Variants in KY observed in about 807,000 individuals in gnomAD.
KY encodes kyphoscoliosis peptidase.
In KY, 43 loss-of-function variants were observed where a neutral mutation model predicts 76.1. That is an observed-to-expected ratio of 0.57 (90% confidence interval 0.44 to 0.73). The LOEUF (loss-of-function observed/expected upper bound fraction) is 0.73. Ranked by LOEUF, KY falls within the 30% of genes least tolerant of loss-of-function variation. KY has a pLI of 0.00. For missense variants in KY, 722 were observed against 828.9 expected, an observed-to-expected ratio of 0.87 and a Z score of 1.58; for synonymous variants, 277 against 326.2, an observed-to-expected ratio of 0.85 and a Z score of 1.63.
chr3:134,645,847 G>A (rs1234771039), intron 2 of KY, among the ~76,000 whole-genome samples: 1 of 152,206 alleles, frequency 6.6e-6, no homozygotes, highest in African/African-American at 2.4e-5. Flanking sequence ...AATAGTCAAT[G>A]TGTCACTTTG....
chr3:134,607,697 C>T (rs1959458699), intron 10 of KY: 1 of 985,712 alleles, frequency 1.0e-6, no homozygotes, highest in African/African-American at 1.7e-5. Context: ...CCCCGTATGC[C>T]TCAGAGTGTG....
chr3:134,627,619 C>T (rs777442715), intron 5 of KY, 137 bp downstream of exon 5: 31 of 708,608 alleles, frequency 4.4e-5, no homozygotes, highest in African/African-American at 7.1e-5. Flanking sequence ...TCATGACACT[C>T]TTCCCCTCCT....
intron 10 of KY, among the ~76,000 whole-genome samples, chr3:134,606,465 G>T (rs770693703): frequency 3.9e-5 from 6 of 152,050 alleles, no homozygotes; most frequent in Non-Finnish European, 8.8e-5. Context: ...CCTGGATAAG[G>T]CTTCATGGTA....
chr3:134,650,815 C>G lies in KY; in HGVS notation c.136+10G>C, dbSNP rs368269760. 1 of 1,567,610 alleles carries G rather than the reference C, an allele frequency of 6.4e-7. No individual in the cohort carries two copies. The highest frequency in any genetic ancestry group is 1.4e-5 in the African/African-American group (1 of 72,572). On this transcript the variant is annotated intron_variant, in intron 1 of 10. Coordinates refer to ENST00000423778, the MANE Select transcript of KY (RefSeq NM_178554.6). ...GGGGGACCCGGGGACCCGGGTCGGG[C>G]GCGCGTTACCTCCTCCGCGCTGCAG...
intron 3 of KY, among the ~76,000 whole-genome samples, chr3:134,641,434 A>C (rs1965747859): frequency 6.6e-6 from 1 of 152,182 alleles, no homozygotes; most frequent in Non-Finnish European, 1.5e-5. Flanking sequence ...GCTATTTATA[A>C]GCAGAGAAGG....
At chr3:134,606,168 C>G (rs1039479768) in intron 10 of KY, among the ~76,000 whole-genome samples, 3 of 152,172 alleles carry the variant, frequency 2.0e-5, no homozygotes, top group Non-Finnish European at 4.4e-5. Flanking sequence ...CATCTCACAA[C>G]TGGCTGTGAG....
At chr3:134,627,302 TACTGAGGGGGAA>T (rs1219022159) in intron 5 of KY, among the ~76,000 whole-genome samples, 1 of 152,172 alleles carries the variant, frequency 6.6e-6, no homozygotes, top group Non-Finnish European at 1.5e-5. Flanking sequence ...ACATCTGGTC[TACTGAGGGGGAA>T]ACTGAGGCAC....
At chr3:134,611,329 C>T (rs1401067531) in intron 8 of KY, among the ~76,000 whole-genome samples, 1 of 152,186 alleles carries the variant, frequency 6.6e-6, no homozygotes, top group East Asian at 1.9e-4. Flanking sequence ...CCCTGAGGCC[C>T]AGGCCTGGGC....
chr3:134,609,579 G>T (rs1406362696), intron 9 of KY, among the ~76,000 whole-genome samples: 2 of 152,130 alleles, frequency 1.3e-5, no homozygotes, highest in Non-Finnish European at 2.9e-5. Context: ...GATCCATGAA[G>T]AATATTGTAT....
At chr3:134,609,527 T>C (rs906890639) in intron 9 of KY, among the ~76,000 whole-genome samples, 4 of 152,164 alleles carry the variant, frequency 2.6e-5, no homozygotes, top group Non-Finnish European at 2.9e-5. Flanking sequence ...AGCACACTCA[T>C]GTTTCTGAAT....
At chr3:134,641,522 G>A (rs1181724319) in intron 3 of KY, among the ~76,000 whole-genome samples, 1 of 152,170 alleles carries the variant, frequency 6.6e-6, no homozygotes, top group Non-Finnish European at 1.5e-5. Context: ...GCAGCAGGAA[G>A]AGGCAAGGAA....
chr3:134,619,302 C>T (rs1392451827), intron 7 of KY, 37 bp from the exon 8 acceptor site: 3 of 1,531,630 alleles, frequency 2.0e-6, no homozygotes, highest in African/African-American at 2.7e-5. Context: ...AGAGCTTGAG[C>T]CTGGGAGGCG....
At chr3:134,629,544 G>A in intron 4 of KY, 77 bp downstream of exon 4, 1 of 1,117,938 alleles carries the variant, frequency 8.9e-7, no homozygotes, top group Non-Finnish European at 1.3e-6. Flanking sequence ...AAGATGCTTG[G>A]GCTGGGATCT....
At chr3:134,617,470 G>T (rs1376928695) in intron 8 of KY, among the ~76,000 whole-genome samples, 1 of 152,118 alleles carries the variant, frequency 6.6e-6, no homozygotes, top group Non-Finnish European at 1.5e-5. Flanking sequence ...AAATATAGAC[G>T]TATACAATCG....
Position 134,650,883 on chromosome 3 carries a change from T to G in KY, c.78A>C (p.Ala26=). ...LIVHSEKRRA[A]QGTLSDQQAN... Reference sequence around the variant, plus strand: ...CCTGCTGGTCTGAGAGCGTACCCTGTGCGGCGCGCCGCTTCTCCGAGTGCA... The same window carrying G: ...CCTGCTGGTCTGAGAGCGTACCCTGGGCGGCGCGCCGCTTCTCCGAGTGCA... The change falls in exon 1 of 11, where the codon GCA becomes GCC. Residue 26 remains alanine, a synonymous_variant. Transcript: ENST00000423778. The G allele has an allele frequency of 6.2e-7, 1 of 1,612,880 alleles. No homozygotes were observed. The highest frequency in any genetic ancestry group is 8.5e-7 in the Non-Finnish European group (1 of 1,179,402).
In KY at chr3:134,602,896, G is replaced by C. The variant is rs1169884309; in HGVS notation, c.*683C>G. On this transcript the variant is annotated 3_prime_UTR_variant, in exon 11 of 11. Coordinates refer to ENST00000423778, the MANE Select transcript of KY (RefSeq NM_178554.6). Reference sequence around the variant, plus strand: ...CTTTGCAGTCTCCTCACAACTTTCTGGTTGTCACATTCCTGACTATACTTA... The same window carrying C: ...CTTTGCAGTCTCCTCACAACTTTCTCGTTGTCACATTCCTGACTATACTTA... 6.6e-6 allele frequency among the ~76,000 whole-genome samples: 1 copy of C among 152,200 alleles called. No individual in the cohort carries two copies. The highest frequency in any genetic ancestry group is 2.4e-5 in the African/African-American group (1 of 41,444).
At position 134,604,053 on chromosome 3, in the gene KY, A is replaced by G. The variant is rs745996808; in HGVS notation, c.1512T>C (p.Thr504=). 2.5e-6 allele frequency: 4 copies of G among 1,613,814 alleles called. No homozygotes were observed. The African/African-American group carries it at 5.3e-5, about 22-fold the overall frequency. Residue 504 remains threonine, a synonymous_variant, in exon 11 of 11, where the codon ACT becomes ACC. Transcript: ENST00000423778. ...AGATGTAGCGCCGCTGTGTCTCCTC[A>G]GTGATGGGGCCATCATCCCCGTGGA... ...ASLHGDDGPI[T]EETQRRYIFQ...
chr3:134,608,998 A>AGGAG (rs1408982906), intron 9 of KY, among the ~76,000 whole-genome samples, 159 bp from the exon 10 acceptor site: 10 of 152,202 alleles, frequency 6.6e-5, no homozygotes, highest in Non-Finnish European at 1.2e-4. Flanking sequence ...GGATGCTTCC[A>AGGAG]GAAATTGTAG....
rs1156795391 is a variant in KY at position 134,627,821 on chromosome 3, A to T, written c.338-3T>A. ...TCCATTTTTATCACCTTGTAAACCT[A>T]CAATATTCCAAAGATCAGAAGTATA... On this transcript the variant is annotated splice_region_variant and splice_polypyrimidine_tract_variant and intron_variant, in intron 4 of 10. Transcript: ENST00000423778. The T allele has an allele frequency of 6.2e-7, 1 of 1,611,132 alleles. No homozygotes were observed. Among genetic ancestry groups the T allele is most frequent in the South Asian group, 1.1e-5 (1 of 90,994 alleles).
Sources: allele counts gnomAD v4.1 joint callset (sites outside exome capture counted in the v4.1 genomes callset), GRCh38; gene constraint gnomAD v4.1.1; transcripts MANE v1.5; gene names NCBI Gene and HGNC (gene_info 2026-07-23, HGNC 2026-07-21).